Variants in RELN observed in about 807,000 individuals in gnomAD.
RELN encodes reelin.
A neutral mutation model predicts 427.6 loss-of-function variants in RELN; 108 were observed. The ratio of observed to expected loss-of-function variants is 0.25; its 90% confidence interval spans 0.22 to 0.30. The LOEUF (loss-of-function observed/expected upper bound fraction) is 0.30, where lower values mean the gene tolerates loss of function less well. RELN is among the 10% of genes least tolerant of loss of function. RELN has a pLI of 1.00. For missense variants in RELN, 3,715 were observed against 4,302.8 expected (o/e 0.86, Z 3.82); for synonymous variants, 1,524 against 1,513.4 (o/e 1.01, Z -0.16).
intron 2 of RELN, among the ~76,000 whole-genome samples, chr7:103,904,766 T>C (rs60028278): frequency 0.22 from 33,618 of 151,992 alleles, 4,010 homozygotes; most frequent in South Asian, 0.38. Context: ...AAGCAAGGGA[T>C]TGCATCTTCA....
chr7:103,859,777 A>C (rs891688269), intron 2 of RELN, among the ~76,000 whole-genome samples: 1 of 152,208 alleles, frequency 6.6e-6, no homozygotes, highest in African/African-American at 2.4e-5. Flanking sequence ...CTTTGTTTTC[A>C]TATCAAATGT....
intron 2 of RELN, among the ~76,000 whole-genome samples, chr7:103,848,575 T>C (rs747771873): frequency 1.6e-4 from 25 of 152,296 alleles, no homozygotes; most frequent in Middle Eastern, 3.4e-3. Flanking sequence ...GATCTCGCCA[T>C]ACTGGGTCCC....
intron 2 of RELN, among the ~76,000 whole-genome samples, chr7:103,850,743 A>C (rs973366880): frequency 1.3e-5 from 2 of 152,210 alleles, no homozygotes; most frequent in African/African-American, 2.4e-5. Context: ...AATGCTCAAC[A>C]TCACTAATGA....
At position 103,573,088 on chromosome 7, in the gene RELN, G is replaced by A. The variant is rs904913818; in HGVS notation, c.4512-828C>T. 2.6e-5 allele frequency among the ~76,000 whole-genome samples: 4 copies of A among 152,204 alleles called. No individual in the cohort carries two copies. Among genetic ancestry groups the A allele is most frequent in the Admixed American group, 1.3e-4 (2 of 15,300 alleles). On this transcript the variant is annotated intron_variant, in intron 30 of 64. Transcript: ENST00000428762. This position sits in a 1 kb window ranked among gnomAD's most constrained non-coding sequence, Gnocchi z 4.4. ...TGAGTAGCTGGAACTACAGGCATGC[G>A]CCACCACACCCGGCTAATTTTTCTA... is the stretch of plus-strand genomic sequence containing the variant.
At chr7:103,539,722 T>C (rs1830136071) in intron 44 of RELN, among the ~76,000 whole-genome samples, 1 of 152,352 alleles carries the variant, frequency 6.6e-6, no homozygotes, top group Admixed American at 6.5e-5. Flanking sequence ...TACGGTTTGT[T>C]AACAGGTTCT....
chr7:103,575,515 A>C (rs1201740043), intron 29 of RELN, 33 bp downstream of exon 29: 8 of 1,607,432 alleles, frequency 5.0e-6, no homozygotes, highest in Non-Finnish European at 6.8e-6. Flanking sequence ...CTATTTTACA[A>C]TAAAACCCTC....
At chr7:103,884,566 G>T (rs1794681215) in intron 2 of RELN, among the ~76,000 whole-genome samples, 1 of 152,046 alleles carries the variant, frequency 6.6e-6, no homozygotes, top group South Asian at 2.1e-4. Context: ...AATCTACAAA[G>T]AACTTAAACA....
intron 1 of RELN, among the ~76,000 whole-genome samples, chr7:103,925,210 AT>A (rs1433097019): frequency 6.6e-6 from 1 of 152,166 alleles, no homozygotes; most frequent in Non-Finnish European, 1.5e-5. Flanking sequence ...CTAAATAAAA[AT>A]TCCTAAATAG....
intron 27 of RELN, among the ~76,000 whole-genome samples, chr7:103,590,556 T>C (rs1470246467): frequency 1.4e-5 from 2 of 138,350 alleles, no homozygotes; most frequent in Admixed American, 7.4e-5. Context: ...CCAGACTCCA[T>C]CTCAACAATA....
At chr7:103,581,417 A>G (rs573475761) in intron 28 of RELN, among the ~76,000 whole-genome samples, 1 of 152,246 alleles carries the variant, frequency 6.6e-6, no homozygotes, top group South Asian at 2.1e-4. Flanking sequence ...ACAGGTCTAG[A>G]GATCAAGGAC....
intron 3 of RELN, among the ~76,000 whole-genome samples, chr7:103,828,176 C>T (rs556448926): frequency 2.6e-5 from 4 of 151,948 alleles, no homozygotes; most frequent in Non-Finnish European, 4.4e-5. Context: ...TCTAGAATGG[C>T]TCTCACCAAA....
chr7:103,533,405 T>G (rs999408744), intron 46 of RELN, among the ~76,000 whole-genome samples: 1 of 152,202 alleles, frequency 6.6e-6, no homozygotes, highest in Non-Finnish European at 1.5e-5. Context: ...TGAATATAAA[T>G]GTAGATGTAG....
chr7:103,703,154 C>T (rs114921573), intron 8 of RELN, among the ~76,000 whole-genome samples: 1 of 152,086 alleles, frequency 6.6e-6, no homozygotes, highest in Non-Finnish European at 1.5e-5. Context: ...GTGGAAGGTA[C>T]CAGCTGGAAG....
Position 103,544,456 on chromosome 7 carries a change from AC to A in RELN, c.6523+667del, listed in dbSNP as rs1290224845. ...TGGCCAGGCTGGTCTCGAATTCCCGACCTCGTGATCCACCTGCCTCAGCCTC... is the reference window on the plus strand; with the variant it reads ...TGGCCAGGCTGGTCTCGAATTCCCGACTCGTGATCCACCTGCCTCAGCCTC... On this transcript the variant is annotated intron_variant, in intron 42 of 64. Transcript: ENST00000428762. Among the ~76,000 whole-genome samples the A allele has an allele frequency of 3.3e-5, 5 of 151,666 alleles. No homozygotes were observed. In the South Asian group the frequency reaches 1.0e-3, roughly 32 times the overall value.
At chr7:103,717,568 C>A (rs1789970693) in intron 8 of RELN, among the ~76,000 whole-genome samples, 1 of 151,702 alleles carries the variant, frequency 6.6e-6, no homozygotes, top group Admixed American at 6.6e-5. Context: ...ATCCAAGAAT[C>A]TTACCCTTAA....
chr7:103,554,238 G>GA (rs35750470), intron 38 of RELN, among the ~76,000 whole-genome samples: 32,201 of 146,638 alleles, frequency 0.22, 3,636 homozygotes, highest in Non-Finnish European at 0.25. Flanking sequence ...CTTTCTGGGG[G>GA]AAAAAAAAAA....
At chr7:103,667,855 A>C (rs1176074776) in intron 11 of RELN, among the ~76,000 whole-genome samples, 2 of 152,240 alleles carry the variant, frequency 1.3e-5, no homozygotes, top group African/African-American at 2.4e-5. Flanking sequence ...AATAATTTTT[A>C]GGAACACCAA....
At chr7:103,969,905 T>A (rs1300555781) in intron 1 of RELN, among the ~76,000 whole-genome samples, 1 of 152,130 alleles carries the variant, frequency 6.6e-6, no homozygotes, top group Non-Finnish European at 1.5e-5. Context: ...GAAAGGAGAC[T>A]CAGATAAGTA....
At chr7:103,671,118 T>C (rs376874013) in intron 11 of RELN, among the ~76,000 whole-genome samples, 6 of 152,116 alleles carry the variant, frequency 3.9e-5, no homozygotes, top group African/African-American at 1.4e-4. Flanking sequence ...ACCTTCCACA[T>C]TCATTTATAT....
Sources: gnomAD v4.1 joint callset for allele counts (sites outside exome capture counted in the v4.1 genomes callset) on GRCh38, gnomAD v4.1.1 for gene constraint, Gnocchi (gnomAD v3.1) non-coding constraint, MANE v1.5 for transcripts, NCBI Gene and HGNC (gene_info 2026-07-23, HGNC 2026-07-21) for gene names.